Variants in SESTD1 observed in about 807,000 individuals in gnomAD.
SESTD1 encodes SEC14 and spectrin domain containing 1.
A neutral mutation model predicts 101.7 loss-of-function variants in SESTD1; 43 were observed. The observed-to-expected ratio is 0.42, with a 90% CI of 0.33 to 0.55. SESTD1 has a LOEUF of 0.55. Among genes scored for constraint, SESTD1 ranks in the 20% least tolerant of loss-of-function variants. The pLI, the probability that SESTD1 is intolerant of heterozygous loss-of-function variation, is 0.07. For synonymous variants in SESTD1, 283 were observed against 286.8 expected (o/e 0.99, Z 0.13); for missense variants, 647 against 815.1 (o/e 0.79, Z 2.51).
intron 2 of SESTD1, among the ~76,000 whole-genome samples, chr2:179,183,671 T>C (rs1204188553): frequency 6.6e-6 from 1 of 152,034 alleles, no homozygotes; most frequent in African/African-American, 2.4e-5. Flanking sequence ...CACTGAAAAG[T>C]TAAGACTTGA....
intron 1 of SESTD1, among the ~76,000 whole-genome samples, chr2:179,229,749 T>TTTATATATATATATATATATATA (rs1491118463): frequency 9.4e-6 from 1 of 106,362 alleles, no homozygotes; most frequent in African/African-American, 3.3e-5. Flanking sequence ...TTGTAAGAAC[T>TTTATATATATATATATATATATA]TATATATATA....
In SESTD1 at chr2:179,103,311, T is replaced by C. The variant is rs1356556017; in HGVS notation, c.*6588A>G. On this transcript the variant is annotated 3_prime_UTR_variant, in exon 18 of 18. Coordinates refer to ENST00000428443, the MANE Select transcript of SESTD1 (RefSeq NM_178123.5). Reference sequence around the variant, plus strand: ...TCTTCTAATACTTCAATATGGATCATAAAAATAGTTTACACCTTTATGCAC... The same window carrying C: ...TCTTCTAATACTTCAATATGGATCACAAAAATAGTTTACACCTTTATGCAC... 1.3e-5 allele frequency: 2 copies of C among 152,060 alleles called. No homozygotes were observed. Among genetic ancestry groups the C allele is most frequent in the African/African-American group, 2.4e-5 (1 of 41,404 alleles). The allele number at this position is 152,060 out of a possible 1,614,324, so 9.4% of individuals were successfully genotyped here.
At chr2:179,126,595 T>G (rs1003466797) in intron 10 of SESTD1, among the ~76,000 whole-genome samples, 1 of 152,148 alleles carries the variant, frequency 6.6e-6, no homozygotes, top group Non-Finnish European at 1.5e-5. Context: ...GCTTTAAATA[T>G]ATCTATAGGC....
Position 179,124,394 on chromosome 2 carries a change from TG to T in SESTD1, c.1136del (p.Ala379GlufsTer20). ...GGGCAACACCATGAAATTCAAGAGC[TG>T]CTTGTAAGAGATTTTGCCTAAATTC... ...QLEFRQNLLQ[A>X]ALEFHGVAQD... is the part of the protein sequence containing the mutation. On this transcript the variant is annotated frameshift_variant, in exon 11 of 18. Coordinates refer to ENST00000428443, the MANE Select transcript of SESTD1 (RefSeq NM_178123.5). LOFTEE classifies it high-confidence loss of function. 3.7e-6 allele frequency: 6 copies of T among 1,614,092 alleles called. No individual in the cohort carries two copies. Among genetic ancestry groups the T allele is most frequent in the Non-Finnish European group, 5.1e-6 (6 of 1,179,968 alleles).
At chr2:179,164,979 A>C (rs2045809596) in intron 5 of SESTD1, among the ~76,000 whole-genome samples, 1 of 152,218 alleles carries the variant, frequency 6.6e-6, no homozygotes, top group Non-Finnish European at 1.5e-5. Context: ...TAATTACAAC[A>C]GCCTAAATTA....
Position 179,109,641 on chromosome 2 carries a change from T to A in SESTD1, c.*258A>T. 6.5e-6 allele frequency: 3 copies of A among 463,346 alleles called. No individual in the cohort carries two copies. In the Admixed American group the frequency reaches 1.1e-4, roughly 17 times the overall value. 28.7% of individuals were successfully genotyped at this position (463,346 alleles called of 1,614,324 possible). On this transcript the variant is annotated 3_prime_UTR_variant, in exon 18 of 18. Transcript: ENST00000428443. ...TTTGTCTACAAACTGACAGGTCAGGTAAAGCTTTAAAGCAAGTTTTCAGTG... is the reference window on the plus strand; with the variant it reads ...TTTGTCTACAAACTGACAGGTCAGGAAAAGCTTTAAAGCAAGTTTTCAGTG...
At chr2:179,166,797 C>T (rs2045842799) in intron 5 of SESTD1, among the ~76,000 whole-genome samples, 1 of 152,206 alleles carries the variant, frequency 6.6e-6, no homozygotes, top group Non-Finnish European at 1.5e-5. Flanking sequence ...CACAAAGTAA[C>T]TCTAGAGAAA....
chr2:179,180,389 C>A (rs1434255910), intron 3 of SESTD1, among the ~76,000 whole-genome samples: 2 of 152,174 alleles, frequency 1.3e-5, no homozygotes, highest in African/African-American at 4.8e-5. Context: ...GCTAGCTACA[C>A]TGCTGGAGAT....
intron 5 of SESTD1, among the ~76,000 whole-genome samples, chr2:179,167,954 G>A (rs1444656209): frequency 6.6e-6 from 1 of 151,950 alleles, no homozygotes; most frequent in African/African-American, 2.4e-5. Context: ...GTAGACACGG[G>A]GTTTCACCAT....
rs1344019229 is a variant in SESTD1, at chr2:179,185,663, AATATATAATATAGCATATT to A, written c.56-2494_56-2476del. 8.2e-4 allele frequency among the ~76,000 whole-genome samples: 55 copies of A among 67,416 alleles called. 1 individual carries two copies. Among genetic ancestry groups the A allele is most frequent in the African/African-American group, 1.9e-3 (49 of 25,330 alleles). The allele number at this position is 67,416 out of a possible 152,430, so 44.2% of individuals were successfully genotyped here. A position where few individuals can be genotyped will look rare whatever the true frequency, so the allele number is the denominator to read the frequency against. On this transcript the variant is annotated intron_variant, in intron 2 of 17. Coordinates refer to ENST00000428443, the MANE Select transcript of SESTD1 (RefSeq NM_178123.5). ...ATATTATATACAATATAGCATATAC[AATATATAATATAGCATATT>A]ATATATAATATAGTATATTATATAC...
At chr2:179,168,833 G>C (rs889497499) in intron 5 of SESTD1, among the ~76,000 whole-genome samples, 6 of 152,186 alleles carry the variant, frequency 3.9e-5, no homozygotes, top group Non-Finnish European at 8.8e-5. Flanking sequence ...TTATAGCACA[G>C]TAAAAGTGAA....
chr2:179,236,301 A>G (rs978293339), intron 1 of SESTD1, among the ~76,000 whole-genome samples: 1 of 145,940 alleles, frequency 6.9e-6, no homozygotes, highest in Admixed American at 6.9e-5. Context: ...CAGCCTGGGC[A>G]ACATAGTGAG....
intron 5 of SESTD1, among the ~76,000 whole-genome samples, chr2:179,162,151 T>G (rs1203074379): frequency 6.6e-6 from 1 of 152,142 alleles, no homozygotes. Context: ...ACCAAACTGA[T>G]TATGATTTCC....
At chr2:179,130,749 T>C (rs1004622963) in intron 10 of SESTD1, among the ~76,000 whole-genome samples, 1 of 152,096 alleles carries the variant, frequency 6.6e-6, no homozygotes, top group Non-Finnish European at 1.5e-5. Context: ...TAGAATGTTC[T>C]AGAGTAAATA....
intron 9 of SESTD1, among the ~76,000 whole-genome samples, chr2:179,134,028 T>C (rs2045077378): frequency 6.6e-6 from 1 of 152,212 alleles, no homozygotes; most frequent in Non-Finnish European, 1.5e-5. Context: ...AATCTAGAGA[T>C]GATTTAATGT....
intron 3 of SESTD1, among the ~76,000 whole-genome samples, chr2:179,177,816 G>A (rs1206360949): frequency 6.6e-6 from 1 of 152,164 alleles, no homozygotes; most frequent in East Asian, 1.9e-4. Flanking sequence ...AACTAATGAA[G>A]AGGAAAACAA....
At chr2:179,156,142 G>A (rs918837886) in intron 5 of SESTD1, among the ~76,000 whole-genome samples, 1 of 151,358 alleles carries the variant, frequency 6.6e-6, no homozygotes, top group East Asian at 1.9e-4. Context: ...ACGTATATAT[G>A]TATATATATG....
At chr2:179,194,020 G>A (rs2046355466) in intron 1 of SESTD1, among the ~76,000 whole-genome samples, 2 of 152,116 alleles carry the variant, frequency 1.3e-5, no homozygotes, top group East Asian at 1.9e-4. Flanking sequence ...TCTGCTGAAT[G>A]TGCATGACTA....
At chr2:179,239,173 T>C (rs1350785937) in intron 1 of SESTD1, among the ~76,000 whole-genome samples, 1 of 152,192 alleles carries the variant, frequency 6.6e-6, no homozygotes, top group African/African-American at 2.4e-5. Flanking sequence ...CAATGGATTA[T>C]ATAGGATGCT....
Sources: gnomAD v4.1 joint callset for allele counts (sites outside exome capture counted in the v4.1 genomes callset) on GRCh38, gnomAD v4.1.1 for gene constraint, MANE v1.5 for transcripts, NCBI Gene and HGNC (gene_info 2026-07-23, HGNC 2026-07-21) for gene names.